Variants in MORC4 observed in about 807,000 individuals in gnomAD.
MORC4 encodes the protein MORC family CW-type zinc finger protein 4.
In MORC4, 22 loss-of-function variants were observed where a neutral mutation model predicts 65.5. The ratio of observed to expected loss-of-function variants is 0.34; its 90% confidence interval spans 0.24 to 0.48. The LOEUF (loss-of-function observed/expected upper bound fraction) is 0.48. Ranked by LOEUF, MORC4 falls within the 20% of genes least tolerant of loss-of-function variation. MORC4 has a pLI of 0.99. For missense variants in MORC4, 624 were observed against 703.0 expected, an observed-to-expected ratio of 0.89 and a Z score of 1.27; for synonymous variants, 267 against 255.8, an observed-to-expected ratio of 1.04 and a Z score of -0.42.
intron 2 of MORC4, among the ~76,000 whole-genome samples, chrX:106,997,523 A>G (rs1202027355): frequency 8.9e-6 from 1 of 111,793 alleles, no homozygotes; most frequent in East Asian, 2.8e-4. Context: ...CTGGCGTAAA[A>G]AGGCCTGTGT....
chrX:106,983,672 T>A (rs1934793038), intron 5 of MORC4, among the ~76,000 whole-genome samples: 1 of 110,426 alleles, frequency 9.1e-6, no homozygotes, highest in Admixed American at 9.7e-5. Context: ...CTAGTCTCAT[T>A]ATAGTTCATA....
At chrX:106,950,688 T>A (rs1459097387) in intron 14 of MORC4, among the ~76,000 whole-genome samples, 1 of 111,704 alleles carries the variant, frequency 9.0e-6, no homozygotes, top group African/African-American at 3.3e-5. Flanking sequence ...CCAGTCTTCG[T>A]GGATCTGCCT....
intron 14 of MORC4, among the ~76,000 whole-genome samples, chrX:106,953,521 A>G (rs749144529): frequency 2.1e-4 from 23 of 112,009 alleles, no homozygotes; most frequent in Non-Finnish European, 3.8e-4. Context: ...CAAGCTCCTG[A>G]GACTAAGGCT....
chrX:106,941,954 C>T lies in MORC4; in HGVS notation c.2644G>A (p.Gly882Arg). The T allele has an allele frequency of 1.7e-6, 2 of 1,209,770 alleles. No homozygotes were observed. The highest frequency in any genetic ancestry group is 3.0e-5 in the East Asian group (1 of 33,810). Residue 882 changes from glycine to arginine, a missense_variant, in exon 16 of 17, where the codon GGA (glycine) becomes AGA (arginine). Coordinates refer to ENST00000355610, the MANE Select transcript of MORC4 (RefSeq NM_024657.5). Reference sequence around the variant, plus strand: ...GTAATTAACCTTTCTAGGTCATCTCCCTCTGGGGTCCGGTAGGAGACCTGA... The same window carrying T: ...GTAATTAACCTTTCTAGGTCATCTCTCTCTGGGGTCCGGTAGGAGACCTGA... ...KAQVSYRTPE[G>R]DDLERALAKL...
chrX:106,951,118 TG>T (rs1933957185), intron 14 of MORC4, among the ~76,000 whole-genome samples: 1 of 111,844 alleles, frequency 8.9e-6, no homozygotes, highest in African/African-American at 3.3e-5. Flanking sequence ...ATGTTAATAC[TG>T]GCCCCTGAAT....
intron 9 of MORC4, among the ~76,000 whole-genome samples, chrX:106,969,128 T>C (rs1430056725): frequency 8.9e-6 from 1 of 111,975 alleles, no homozygotes; most frequent in African/African-American, 3.2e-5. Context: ...AAAAACTCTC[T>C]CAGACCACAG....
chrX:106,993,217 A>G lies in MORC4; in HGVS notation c.308+13T>C. The G allele has an allele frequency of 8.3e-7, 1 of 1,204,007 alleles. No homozygotes were observed. The highest frequency in any genetic ancestry group is 1.1e-6 in the Non-Finnish European group (1 of 890,798). On this transcript the variant is annotated intron_variant, in intron 3 of 16. Coordinates refer to ENST00000355610, the MANE Select transcript of MORC4 (RefSeq NM_024657.5). ...AGCTTAAGACAAGAAAAAGACAATG[A>G]AGACATTTTTACCTGAGCATTCGGT... is the stretch of plus-strand genomic sequence containing the variant.
In MORC4 at chrX:106,953,599, A is replaced by AT. The variant is rs1469052653; in HGVS notation, c.1685+1313dup. Among the ~76,000 whole-genome samples the AT allele has an allele frequency of 3.6e-5, 4 of 111,287 alleles. No homozygotes were observed. The East Asian group carries it at 8.4e-4, about 23-fold the overall frequency. On this transcript the variant is annotated intron_variant, in intron 14 of 16. Coordinates refer to ENST00000355610, the MANE Select transcript of MORC4 (RefSeq NM_024657.5). ...AAATTGCTTCTTAAATATGACTCAG[A>AT]TTCAACCATTACTTATTGAGTACCT... is the stretch of plus-strand genomic sequence containing the variant.
Position 106,999,911 on chromosome X carries a change from C to T in MORC4, c.59G>A (p.Arg20Gln). 2.4e-6 allele frequency: 2 copies of T among 830,661 alleles called. No homozygotes were observed. Among genetic ancestry groups the T allele is most frequent in the Non-Finnish European group, 2.9e-6 (2 of 688,809 alleles). 68.5% of individuals were successfully genotyped at this position (830,661 alleles called of 1,213,427 possible). A position where few individuals can be genotyped will look rare whatever the true frequency, so the allele number is the denominator to read the frequency against. ...GPGAPGCGLARPGGGPQAFGI... is the reference protein window; with the variant it reads ...GPGAPGCGLAQPGGGPQAFGI... ...GAAGGCCTGCGGGCCGCCGCCGGGCCGGGCCAGCCCGCAGCCCGGCGCGCC... is the reference window on the plus strand; with the variant it reads ...GAAGGCCTGCGGGCCGCCGCCGGGCTGGGCCAGCCCGCAGCCCGGCGCGCC... Residue 20 changes from arginine to glutamine, a missense_variant, in exon 1 of 17, where the codon CGG becomes CAG. Arg to Gln is a conservative substitution (Grantham distance 43). Transcript: ENST00000355610.
intron 2 of MORC4, among the ~76,000 whole-genome samples, chrX:106,998,812 T>G (rs180687152): frequency 8.9e-6 from 1 of 112,633 alleles, no homozygotes; most frequent in Non-Finnish European, 1.9e-5. Flanking sequence ...AAGATAACTC[T>G]CATGGCATGG....
At chrX:106,977,679 G>T (rs1337023865) in intron 8 of MORC4, among the ~76,000 whole-genome samples, 1 of 111,416 alleles carries the variant, frequency 9.0e-6, no homozygotes, top group East Asian at 2.8e-4. Context: ...TACACAGCTT[G>T]TAAATGGAAA....
intron 9 of MORC4, among the ~76,000 whole-genome samples, chrX:106,972,848 C>G (rs1470266111): frequency 1.8e-5 from 2 of 112,787 alleles, no homozygotes; most frequent in African/African-American, 6.4e-5. Flanking sequence ...TGAGGCAGGA[C>G]AATCGCTTGA....
intron 14 of MORC4, among the ~76,000 whole-genome samples, chrX:106,945,674 A>T (rs1337659482): frequency 9.0e-6 from 1 of 111,136 alleles, no homozygotes; most frequent in Non-Finnish European, 1.9e-5. Context: ...CAATTCTCAT[A>T]CCAGACTTGT....
intron 10 of MORC4, among the ~76,000 whole-genome samples, chrX:106,959,911 T>C (rs912347620): frequency 2.1e-4 from 24 of 112,656 alleles, no homozygotes; most frequent in African/African-American, 7.4e-4. Context: ...TAGAGAAATA[T>C]ATACAGAAAA....
chrX:106,956,350 A>C (rs890081899), intron 13 of MORC4, 130 bp downstream of exon 13: 5 of 620,795 alleles, frequency 8.1e-6, no homozygotes, highest in Non-Finnish European at 1.3e-5. Flanking sequence ...AGATTCAATG[A>C]AAAGAAGACC....
chrX:106,947,472 A>G (rs896698235), intron 14 of MORC4, among the ~76,000 whole-genome samples: 3 of 99,403 alleles, frequency 3.0e-5, no homozygotes, highest in Non-Finnish European at 4.0e-5. Context: ...TGAATTGTCT[A>G]TTTCTCTCTA....
At chrX:106,990,161 C>T (rs968370400) in intron 3 of MORC4, among the ~76,000 whole-genome samples, 19 of 108,368 alleles carry the variant, frequency 1.8e-4, no homozygotes, top group African/African-American at 6.3e-4. Context: ...TGCACTCCAG[C>T]CTGGCGACAG....
intron 2 of MORC4, among the ~76,000 whole-genome samples, chrX:106,998,288 T>C (rs1935113967): frequency 8.9e-6 from 1 of 112,450 alleles, no homozygotes; most frequent in Admixed American, 9.4e-5. Flanking sequence ...TGTGTGTGCA[T>C]AATACATACA....
At chrX:106,990,879 AT>A (rs951783170) in intron 3 of MORC4, among the ~76,000 whole-genome samples, 4 of 110,371 alleles carry the variant, frequency 3.6e-5, no homozygotes, top group African/African-American at 6.6e-5. Flanking sequence ...TCTCAAAAAA[AT>A]TTTTTTTTAA....
Sources: gnomAD v4.1 joint callset for allele counts (sites outside exome capture counted in the v4.1 genomes callset) on GRCh38, gnomAD v4.1.1 for gene constraint, MANE v1.5 for transcripts, NCBI Gene and HGNC (gene_info 2026-07-23, HGNC 2026-07-21) for gene names.